CADPS2: variants seen among roughly 807,000 people sequenced by gnomAD.
CADPS2 encodes the protein calcium-dependent secretion activator 2.
A neutral mutation model predicts 172.5 loss-of-function variants in CADPS2; 93 were observed. That is an observed-to-expected ratio of 0.54 (90% CI 0.46 to 0.64). The LOEUF (loss-of-function observed/expected upper bound fraction) is 0.64. Ranked by LOEUF, CADPS2 falls within the 30% of genes least tolerant of loss-of-function variation. CADPS2 has a pLI of 0.00. For synonymous variants in CADPS2, 546 were observed against 555.2 expected (o/e 0.98, Z 0.23); for missense variants, 1,420 against 1,565.9 (o/e 0.91, Z 1.57).
intron 9 of CADPS2, among the ~76,000 whole-genome samples, chr7:122,495,275 C>T (rs2058645154): frequency 6.6e-6 from 1 of 152,032 alleles, no homozygotes; most frequent in South Asian, 2.1e-4. Flanking sequence ...TCAATTAATG[C>T]CTATACATAC....
rs1441131202 is a variant in CADPS2, at chr7:122,683,169, CA to C, written c.454-19601del. ...GATGAGAGTTGGAAAGGGGATGGTG[CA>C]GGAAGAAGGTGATCTTTCCCTGAAG... On this transcript the variant is annotated intron_variant, in intron 2 of 29. Transcript: ENST00000449022. Among the ~76,000 whole-genome samples, 3 of 152,272 alleles carry C rather than the reference CA, an allele frequency of 2.0e-5. No individual in the cohort carries two copies. The East Asian group carries it at 5.8e-4, about 29-fold the overall frequency.
intron 25 of CADPS2, among the ~76,000 whole-genome samples, chr7:122,366,476 G>A (rs1222397237): frequency 4.7e-5 from 7 of 150,168 alleles, no homozygotes; most frequent in Non-Finnish European, 7.4e-5. Context: ...ATGGTGGCGG[G>A]CGCCTGAAAT....
At chr7:122,448,098 A>G (rs1407481567) in intron 15 of CADPS2, among the ~76,000 whole-genome samples, 1 of 152,116 alleles carries the variant, frequency 6.6e-6, no homozygotes, top group Non-Finnish European at 1.5e-5. Context: ...TGAAAGTTGA[A>G]GAAAAGGATC....
At chr7:122,570,776 C>T (rs1352570123) in intron 7 of CADPS2, among the ~76,000 whole-genome samples, 3 of 151,920 alleles carry the variant, frequency 2.0e-5, no homozygotes, top group South Asian at 2.1e-4. Flanking sequence ...AGTAAACTAT[C>T]GCAAGGACAA....
intron 2 of CADPS2, among the ~76,000 whole-genome samples, chr7:122,716,988 TG>T (rs2089703377): frequency 6.6e-6 from 1 of 152,164 alleles, no homozygotes; most frequent in Admixed American, 6.5e-5. Flanking sequence ...CTCTGTAACG[TG>T]GTATCATTTC....
chr7:122,709,728 TA>T (rs1017560570), intron 2 of CADPS2, among the ~76,000 whole-genome samples: 2 of 151,974 alleles, frequency 1.3e-5, no homozygotes, highest in African/African-American at 4.8e-5. Context: ...TATGCAGCCA[TA>T]AAAAATGATG....
At chr7:122,565,365 A>G (rs1024751772) in intron 7 of CADPS2, among the ~76,000 whole-genome samples, 2 of 152,172 alleles carry the variant, frequency 1.3e-5, no homozygotes, top group African/African-American at 4.8e-5. Context: ...TCATATGCTC[A>G]AAAAATCAAA....
At chr7:122,819,697 A>T (rs1802563094) in intron 1 of CADPS2, among the ~76,000 whole-genome samples, 1 of 152,016 alleles carries the variant, frequency 6.6e-6, no homozygotes, top group Admixed American at 6.6e-5. Context: ...GAGACACTTT[A>T]ACTAAATTAT....
chr7:122,656,292 T>C (rs2079780766), intron 3 of CADPS2, among the ~76,000 whole-genome samples: 1 of 152,086 alleles, frequency 6.6e-6, no homozygotes, highest in Non-Finnish European at 1.5e-5. Flanking sequence ...AGAAAGCCAT[T>C]GTTCAATCTC....
At chr7:122,337,080 G>A (rs1478478873) in intron 28 of CADPS2, among the ~76,000 whole-genome samples, 2 of 152,192 alleles carry the variant, frequency 1.3e-5, no homozygotes, top group Non-Finnish European at 2.9e-5. Context: ...GAGCTGCAAG[G>A]CTACATCTCC....
chr7:122,572,682 G>A (rs1368006740), intron 7 of CADPS2, among the ~76,000 whole-genome samples: 1 of 152,110 alleles, frequency 6.6e-6, no homozygotes, highest in African/African-American at 2.4e-5. Flanking sequence ...CTGCTATTTA[G>A]ATTTTTATAT....
chr7:122,690,592 C>T (rs1588446297), intron 2 of CADPS2, among the ~76,000 whole-genome samples: 1 of 152,338 alleles, frequency 6.6e-6, no homozygotes, highest in Admixed American at 6.5e-5. Flanking sequence ...CAGGTAATAA[C>T]AGATTATCTC....
intron 8 of CADPS2, among the ~76,000 whole-genome samples, chr7:122,536,826 T>G (rs2062337757): frequency 6.6e-6 from 1 of 152,090 alleles, no homozygotes; most frequent in African/African-American, 2.4e-5. Context: ...GGGCCTAAGC[T>G]CTCAAGCTAC....
chr7:122,561,011 T>C (rs998638319), intron 7 of CADPS2, among the ~76,000 whole-genome samples: 1 of 152,166 alleles, frequency 6.6e-6, no homozygotes, highest in African/African-American at 2.4e-5. Flanking sequence ...TTAGTAACAG[T>C]TTCTCGTGTT....
chr7:122,743,970 T>C (rs1274069189), intron 1 of CADPS2, among the ~76,000 whole-genome samples: 1 of 152,186 alleles, frequency 6.6e-6, no homozygotes, highest in Non-Finnish European at 1.5e-5. Flanking sequence ...CAAATAAACT[T>C]TCCTGTCCTC....
At chr7:122,525,263 A>G (rs1165560241) in intron 8 of CADPS2, among the ~76,000 whole-genome samples, 2 of 152,116 alleles carry the variant, frequency 1.3e-5, no homozygotes, top group African/African-American at 4.8e-5. Context: ...GCTAATGAGG[A>G]CATTTTAGCA....
At chr7:122,684,896 G>GA (rs967161473) in intron 2 of CADPS2, among the ~76,000 whole-genome samples, 16 of 151,362 alleles carry the variant, frequency 1.1e-4, no homozygotes, top group African/African-American at 2.7e-4. Context: ...AGTAAAAATG[G>GA]AAAAAAAAGT....
chr7:122,564,543 G>A (rs1001474969), intron 7 of CADPS2, among the ~76,000 whole-genome samples: 6 of 151,886 alleles, frequency 4.0e-5, no homozygotes, highest in African/African-American at 4.8e-5. Context: ...TCCTAACCTC[G>A]TGATCCACCT....
chr7:122,714,207 A>C (rs2089240951), intron 2 of CADPS2, among the ~76,000 whole-genome samples: 2 of 152,134 alleles, frequency 1.3e-5, no homozygotes, highest in South Asian at 4.1e-4. Context: ...AGGTTATACT[A>C]ACAGATTACT....
Sources: gnomAD v4.1 joint callset for allele counts (sites outside exome capture counted in the v4.1 genomes callset) on GRCh38, gnomAD v4.1.1 for gene constraint, MANE v1.5 for transcripts, NCBI Gene and HGNC (gene_info 2026-07-23, HGNC 2026-07-21) for gene names.